MMP16: variants seen among roughly 807,000 people sequenced by gnomAD.
The protein encoded by MMP16 is matrix metalloproteinase-16.
MMP16 carries 12 observed loss-of-function variants against 67.8 expected under a neutral mutation model. The observed-to-expected ratio is 0.18, with a 90% CI of 0.11 to 0.29. The LOEUF (loss-of-function observed/expected upper bound fraction) is 0.29, where lower values mean the gene tolerates loss of function less well. Ranked by LOEUF, MMP16 falls within the 10% of genes least tolerant of loss-of-function variation. The pLI is 1.00. For missense variants in MMP16, 475 were observed against 765.7 expected (o/e 0.62, Z 4.48); for synonymous variants, 249 against 255.9 (o/e 0.97, Z 0.26).
chr8:88,159,005 G>A (rs1329738894), intron 4 of MMP16, among the ~76,000 whole-genome samples: 1 of 152,108 alleles, frequency 6.6e-6, no homozygotes, highest in Non-Finnish European at 1.5e-5. Context: ...TGAGGGCTCT[G>A]TTCTGTTCCA....
intron 4 of MMP16, among the ~76,000 whole-genome samples, chr8:88,155,887 G>A (rs1808501231): frequency 6.6e-6 from 1 of 151,952 alleles, no homozygotes; most frequent in Non-Finnish European, 1.5e-5. Context: ...CCTTTTCCTT[G>A]ATTCTTCAGT....
chr8:88,218,352 A>C (rs1052258300), intron 1 of MMP16, among the ~76,000 whole-genome samples: 6 of 152,050 alleles, frequency 3.9e-5, no homozygotes, highest in African/African-American at 1.2e-4. Flanking sequence ...AAATTGAAGG[A>C]TTTCAATTAA....
At chr8:88,080,901 A>G (rs1227245068) in intron 6 of MMP16, among the ~76,000 whole-genome samples, 4 of 152,194 alleles carry the variant, frequency 2.6e-5, no homozygotes, top group South Asian at 4.1e-4. Context: ...CGTGATTTAT[A>G]TGAATGCTTA....
intron 8 of MMP16, among the ~76,000 whole-genome samples, chr8:88,050,292 C>T (rs193198220): frequency 5.5e-4 from 83 of 152,268 alleles, no homozygotes; most frequent in African/African-American, 1.5e-3. Context: ...CACTGCACTC[C>T]GGCTTGGGCA....
At chr8:88,289,498 G>C (rs1267022704) in intron 1 of MMP16, among the ~76,000 whole-genome samples, 1 of 151,764 alleles carries the variant, frequency 6.6e-6, no homozygotes, top group African/African-American at 2.4e-5. Flanking sequence ...AAAAGCTCTA[G>C]CAAGTAAAAT....
chr8:88,087,190 A>G (rs1279923613), intron 6 of MMP16, among the ~76,000 whole-genome samples: 3 of 151,874 alleles, frequency 2.0e-5, no homozygotes, highest in Non-Finnish European at 4.4e-5. Context: ...TTAAATTATA[A>G]TTTACATCCA....
rs185037699 is a variant in MMP16, at chr8:88,036,010, A to C, written c.*5451T>G. 1.3e-5 allele frequency: 2 copies of C among 152,130 alleles called. No homozygotes were observed. Among genetic ancestry groups the C allele is most frequent in the African/African-American group, 4.8e-5 (2 of 41,580 alleles). The allele number at this position is 152,130 out of a possible 1,614,324, so 9.4% of individuals were successfully genotyped here. ...AAGGTCACAATTAGATGAGACTAGA[A>C]CATGAAGGCAACTTCTTTGCTACTA... On this transcript the variant is annotated 3_prime_UTR_variant, in exon 10 of 10. Transcript: ENST00000286614.
chr8:88,197,379 A>G, intron 1 of MMP16, 73 bp from the exon 2 acceptor site: 1 of 1,320,650 alleles, frequency 7.6e-7, no homozygotes, highest in East Asian at 2.7e-5. Flanking sequence ...ATTAATGTAT[A>G]TCTATAATAG....
At chr8:88,065,567 A>G (rs1461529828) in intron 7 of MMP16, among the ~76,000 whole-genome samples, 1 of 152,130 alleles carries the variant, frequency 6.6e-6, no homozygotes, top group African/African-American at 2.4e-5. Flanking sequence ...ATATACCAAG[A>G]CTACTAAATA....
At chr8:88,224,212 C>T (rs1809732174) in intron 1 of MMP16, among the ~76,000 whole-genome samples, 1 of 152,026 alleles carries the variant, frequency 6.6e-6, no homozygotes, top group Non-Finnish European at 1.5e-5. Context: ...TGGTCTGTTG[C>T]TATCCTGGGC....
chr8:88,233,052 C>T (rs1422179388), intron 1 of MMP16, among the ~76,000 whole-genome samples: 1 of 152,118 alleles, frequency 6.6e-6, no homozygotes, highest in Non-Finnish European at 1.5e-5. Context: ...TACTTAGTGT[C>T]TCTAAGCCAC....
chr8:88,079,844 A>G (rs887943465), intron 6 of MMP16, among the ~76,000 whole-genome samples: 2 of 152,164 alleles, frequency 1.3e-5, no homozygotes, highest in African/African-American at 4.8e-5. Context: ...AACAGGTGCC[A>G]TTTATGAAAA....
At chr8:88,188,058 T>G (rs1420819080) in intron 2 of MMP16, among the ~76,000 whole-genome samples, 7 of 152,328 alleles carry the variant, frequency 4.6e-5, no homozygotes, top group African/African-American at 1.7e-4. Context: ...ATTTGAGAGA[T>G]ATTTCACTAT....
chr8:88,218,940 A>G (rs1809636091), intron 1 of MMP16, among the ~76,000 whole-genome samples: 1 of 152,114 alleles, frequency 6.6e-6, no homozygotes, highest in African/African-American at 2.4e-5. Flanking sequence ...CATTTATTAA[A>G]TCAAATCCCT....
intron 7 of MMP16, among the ~76,000 whole-genome samples, chr8:88,065,111 G>A (rs767668888): frequency 6.6e-6 from 1 of 151,910 alleles, no homozygotes; most frequent in East Asian, 1.9e-4. Flanking sequence ...GCTTGGCATC[G>A]GGTTCACCAA....
intron 3 of MMP16, among the ~76,000 whole-genome samples, chr8:88,169,567 T>C: frequency 6.6e-6 from 1 of 152,232 alleles, no homozygotes; most frequent in Non-Finnish European, 1.5e-5. Context: ...AATTTTTCAC[T>C]ATTTTCTAAT....
chr8:88,088,604 G>A (rs1213897118), intron 6 of MMP16, among the ~76,000 whole-genome samples: 1 of 151,944 alleles, frequency 6.6e-6, no homozygotes, highest in African/African-American at 2.4e-5. Flanking sequence ...CCATAACAGG[G>A]GAGACTAATC....
Position 88,038,405 on chromosome 8 carries a change from CTA to C in MMP16, c.*3054_*3055del, listed in dbSNP as rs1808083306. On this transcript the variant is annotated 3_prime_UTR_variant, in exon 10 of 10. Transcript: ENST00000286614. The surrounding 1 kb of genome is among the most constrained non-coding windows in gnomAD (Gnocchi z 4.1). ...ATGATAGACTCCTTCCTTCTTAATGCTATGATTATTTTCTAGCCCTTATATAC... is the reference window on the plus strand; with the variant it reads ...ATGATAGACTCCTTCCTTCTTAATGCTGATTATTTTCTAGCCCTTATATAC... The C allele has an allele frequency of 6.6e-6, 1 of 152,434 alleles. No homozygotes were observed. The allele number at this position is 152,434 out of a possible 1,614,324, so 9.4% of individuals were successfully genotyped here. A position where few individuals can be genotyped will look rare whatever the true frequency, so the allele number is the denominator to read the frequency against.
At chr8:88,048,937 C>T (rs1808233345) in intron 8 of MMP16, among the ~76,000 whole-genome samples, 1 of 152,212 alleles carries the variant, frequency 6.6e-6, no homozygotes, top group African/African-American at 2.4e-5. Context: ...GTGCAAAAGG[C>T]TTTCCTATAA....
Sources: allele counts gnomAD v4.1 joint callset (sites outside exome capture counted in the v4.1 genomes callset), GRCh38; gene constraint gnomAD v4.1.1; non-coding constraint Gnocchi (gnomAD v3.1); transcripts MANE v1.5; gene names NCBI Gene and HGNC (gene_info 2026-07-23, HGNC 2026-07-21).